PIK3C2A: variants seen among roughly 807,000 people sequenced by gnomAD.
The protein encoded by PIK3C2A is phosphatidylinositol-4-phosphate 3-kinase catalytic subunit type 2 alpha.
In PIK3C2A, 97 loss-of-function variants were observed where a neutral mutation model predicts 204.5. The ratio of observed to expected loss-of-function variants is 0.47; its 90% confidence interval spans 0.40 to 0.56. PIK3C2A has a LOEUF of 0.56. Among genes scored for constraint, PIK3C2A ranks in the 20% least tolerant of loss-of-function variants. The probability of loss-of-function intolerance (pLI) is 0.00; values close to 1 mark genes in which losing one functional copy is unlikely to be tolerated. For synonymous variants in PIK3C2A, 653 were observed against 664.4 expected, an observed-to-expected ratio of 0.98 and a Z score of 0.26; for missense variants, 1,735 against 1,969.2, an observed-to-expected ratio of 0.88 and a Z score of 2.25.
intron 26 of PIK3C2A, among the ~76,000 whole-genome samples, chr11:17,098,591 G>A (rs920760607): frequency 2.0e-5 from 3 of 152,174 alleles, no homozygotes; most frequent in Non-Finnish European, 4.4e-5. Context: ...TTGCCCAGGG[G>A]AGCCAATGAA....
At chr11:17,178,425 T>G (rs1263959020) in intron 1 of PIK3C2A, among the ~76,000 whole-genome samples, 1 of 152,120 alleles carries the variant, frequency 6.6e-6, no homozygotes, top group East Asian at 1.9e-4. Flanking sequence ...GCTTTCTGGG[T>G]GGTAAGGAAA....
chr11:17,122,917 TA>T, intron 13 of PIK3C2A, 104 bp from the exon 14 acceptor site: 1 of 593,878 alleles, frequency 1.7e-6, no homozygotes, highest in South Asian at 2.3e-5. Context: ...ATCAACTAAA[TA>T]AAAAGGATAT....
intron 3 of PIK3C2A, among the ~76,000 whole-genome samples, chr11:17,151,283 C>T (rs1850418986): frequency 1.3e-5 from 2 of 152,190 alleles, no homozygotes; most frequent in Admixed American, 6.5e-5. Context: ...TGGTGTATGG[C>T]TCATCTCCAG....
At chr11:17,095,979 T>TA (rs1051033100) in intron 27 of PIK3C2A, among the ~76,000 whole-genome samples, 3 of 150,288 alleles carry the variant, frequency 2.0e-5, no homozygotes, top group African/African-American at 7.3e-5. Flanking sequence ...AAAAGTCAGT[T>TA]AAAAAAAGGC....
In PIK3C2A at chr11:17,169,679, T is replaced by C; in HGVS notation, c.63A>G (p.Thr21=). ...KECPSSHPEP[T]RAKDVDKEEA... is the part of the protein sequence containing the mutation. ...CTTCTTTGTCCACATCTTTTGCTCTTGTTGGTTCCGGATGTGAAGATGGAC... is the reference window on the plus strand; with the variant it reads ...CTTCTTTGTCCACATCTTTTGCTCTCGTTGGTTCCGGATGTGAAGATGGAC... Residue 21 remains threonine (T), a synonymous_variant, in exon 2 of 33, where the codon ACA becomes ACG. Coordinates refer to ENST00000691414, the MANE Select transcript of PIK3C2A (RefSeq NM_002645.4). 6.2e-7 allele frequency: 1 copy of C among 1,611,724 alleles called. No individual in the cohort carries two copies. Among genetic ancestry groups the C allele is most frequent in the Non-Finnish European group, 8.5e-7 (1 of 1,179,998 alleles).
At position 17,180,933 on chromosome 11, in the gene PIK3C2A, A is replaced by T. The variant is rs976431742; in HGVS notation, c.-65-11127T>A. ...TTTGCTAGAATGGTTCACAAAACTCAGGTGGAGTTTACTTATTACTGACTT... is the reference window on the plus strand; with the variant it reads ...TTTGCTAGAATGGTTCACAAAACTCTGGTGGAGTTTACTTATTACTGACTT... On this transcript the variant is annotated intron_variant, in intron 1 of 32. Transcript: ENST00000691414. Among the ~76,000 whole-genome samples the T allele has an allele frequency of 2.0e-5, 3 of 151,356 alleles. No homozygotes were observed. In the East Asian group the frequency reaches 5.8e-4, roughly 29 times the overall value.
intron 1 of PIK3C2A, among the ~76,000 whole-genome samples, chr11:17,198,968 A>T (rs765141262): frequency 5.9e-5 from 9 of 152,064 alleles, no homozygotes; most frequent in Non-Finnish European, 1.3e-4. Flanking sequence ...AAAATACAAA[A>T]ATTAGCCACG....
At chr11:17,110,316 A>C in intron 22 of PIK3C2A, 116 bp downstream of exon 22, 2 of 717,108 alleles carry the variant, frequency 2.8e-6, no homozygotes, top group East Asian at 2.7e-5. Context: ...ACACTGGATT[A>C]AAATAAGAAA....
At chr11:17,109,806 G>T (rs1225101013) in intron 22 of PIK3C2A, among the ~76,000 whole-genome samples, 1 of 152,150 alleles carries the variant, frequency 6.6e-6, no homozygotes, top group African/African-American at 2.4e-5. Context: ...AAAATGCTGG[G>T]ATTACAGGTG....
intron 23 of PIK3C2A, among the ~76,000 whole-genome samples, chr11:17,103,093 C>A (rs927322514): frequency 6.6e-6 from 1 of 151,802 alleles, no homozygotes; most frequent in African/African-American, 2.4e-5. Context: ...TACTTAGGTA[C>A]GTGCTGCCTT....
At chr11:17,180,413 A>T (rs1248231745) in intron 1 of PIK3C2A, among the ~76,000 whole-genome samples, 2 of 152,104 alleles carry the variant, frequency 1.3e-5, no homozygotes, top group African/African-American at 4.8e-5. Flanking sequence ...ATGTCAGTGA[A>T]AAGCAATAAA....
chr11:17,128,914 T>C (rs1320010779), intron 13 of PIK3C2A, among the ~76,000 whole-genome samples: 1 of 152,186 alleles, frequency 6.6e-6, no homozygotes, highest in Non-Finnish European at 1.5e-5. Context: ...ATAGATTCTC[T>C]AAAACTGGAG....
intron 1 of PIK3C2A, among the ~76,000 whole-genome samples, chr11:17,184,966 GA>G (rs886469469): frequency 1.5e-4 from 23 of 151,312 alleles, no homozygotes; most frequent in South Asian, 1.3e-3. Flanking sequence ...TAATTAAAAA[GA>G]AAAAAATATA....
At chr11:17,178,372 A>G (rs1203256399) in intron 1 of PIK3C2A, among the ~76,000 whole-genome samples, 2 of 152,172 alleles carry the variant, frequency 1.3e-5, no homozygotes, top group African/African-American at 4.8e-5. Context: ...AGAGTTTATG[A>G]AGAGAGAAAC....
At chr11:17,158,168 G>T (rs955158896) in intron 2 of PIK3C2A, among the ~76,000 whole-genome samples, 10 of 152,050 alleles carry the variant, frequency 6.6e-5, no homozygotes, top group Admixed American at 2.0e-4. Context: ...TGACCAACTG[G>T]AGAAACCCCA....
chr11:17,126,446 C>G (rs925694498), intron 13 of PIK3C2A, among the ~76,000 whole-genome samples: 1 of 152,108 alleles, frequency 6.6e-6, no homozygotes, highest in East Asian at 1.9e-4. Flanking sequence ...AATGAAATGC[C>G]TTTGAGTCAT....
intron 12 of PIK3C2A, among the ~76,000 whole-genome samples, chr11:17,129,751 C>G (rs1849637837): frequency 6.6e-6 from 1 of 152,140 alleles, no homozygotes; most frequent in South Asian, 2.1e-4. Flanking sequence ...ACCACCACGC[C>G]CAGCTAATTT....
chr11:17,092,952 T>C (rs1848351839), intron 28 of PIK3C2A, among the ~76,000 whole-genome samples: 1 of 152,152 alleles, frequency 6.6e-6, no homozygotes, highest in African/African-American at 2.4e-5. Flanking sequence ...AAAAATAAAA[T>C]CACTACTCAA....
chr11:17,114,273 C>T, intron 20 of PIK3C2A, 88 bp downstream of exon 20: 1 of 699,236 alleles, frequency 1.4e-6, no homozygotes, highest in Non-Finnish European at 2.6e-6. Context: ...CAGGTTTTAC[C>T]TTCATTTGCC....
Sources: allele counts gnomAD v4.1 joint callset (sites outside exome capture counted in the v4.1 genomes callset), GRCh38; gene constraint gnomAD v4.1.1; transcripts MANE v1.5; gene names NCBI Gene and HGNC (gene_info 2026-07-23, HGNC 2026-07-21).